Variants in GSPT1 observed in about 807,000 individuals in gnomAD.
GSPT1 encodes the protein eukaryotic peptide chain release factor GTP-binding subunit ERF3A.
Under a neutral mutation model 72.5 loss-of-function variants are expected in GSPT1, and 20 were observed. The observed-to-expected ratio is 0.28, with a 90% CI of 0.19 to 0.40. The LOEUF (loss-of-function observed/expected upper bound fraction) is 0.40. Ranked by LOEUF, GSPT1 falls within the 10% of genes least tolerant of loss-of-function variation. GSPT1 has a pLI of 1.00. For synonymous variants in GSPT1, 334 were observed against 293.5 expected, an observed-to-expected ratio of 1.14 and a Z score of -1.41; for missense variants, 580 against 811.9, an observed-to-expected ratio of 0.71 and a Z score of 3.47.
intron 4 of GSPT1, 145 bp downstream of exon 4, chr16:11,896,413 T>A (rs2054339522): frequency 1.6e-6 from 1 of 621,152 alleles, no homozygotes; most frequent in East Asian, 2.7e-5. Context: ...TGCAATTTTT[T>A]GCCAGCTAAA....
At chr16:11,892,960 G>A (rs2054288451) in intron 5 of GSPT1, among the ~76,000 whole-genome samples, 1 of 151,346 alleles carries the variant, frequency 6.6e-6, no homozygotes, top group South Asian at 2.1e-4. Context: ...AAGTTTTGAT[G>A]AATGACTATG....
chr16:11,875,962 T>A, intron 13 of GSPT1, 33 bp from the exon 14 acceptor site: 1 of 1,572,120 alleles, frequency 6.4e-7, no homozygotes, highest in Non-Finnish European at 8.7e-7. Flanking sequence ...AAAATCAGAA[T>A]AATGCCAAAT....
In GSPT1 at chr16:11,891,219, C is replaced by T. The variant is rs558814266; in HGVS notation, c.699-80G>A. The stretch of plus-strand genomic sequence containing the variant: ...GGAATTAGGAAAACGTGAAAATTGT[C>T]GAAAATTTCAACGTCAGAAAATAGT... On this transcript the variant is annotated intron_variant, in intron 5 of 14. Transcript: ENST00000434724. 27 of 678,522 alleles carry T rather than the reference C, an allele frequency of 4.0e-5. No homozygotes were observed. In the South Asian group the frequency reaches 4.1e-4, roughly 10 times the overall value. The allele number at this position is 678,522 out of a possible 1,614,324, so 42.0% of individuals were successfully genotyped here.
chr16:11,887,603 A>G lies in GSPT1; in HGVS notation c.924T>C (p.Ile308=). The change falls in exon 7 of 15, where the codon ATT becomes ATC. Residue 308 remains isoleucine, a synonymous_variant. Coordinates refer to ENST00000434724, the MANE Select transcript of GSPT1 (RefSeq NM_002094.4). ...CCAAATCAGCTTGAGAGGCACCACC[A>G]ATCATATTTGGGACAAAACTCTTGT... The part of the protein sequence containing the change: ...PGHKSFVPNM[I]GGASQADLAV... 2 of 1,614,062 alleles carry G rather than the reference A, an allele frequency of 1.2e-6. No individual in the cohort carries two copies. The highest frequency in any genetic ancestry group is 1.7e-6 in the Non-Finnish European group (2 of 1,179,948).
intron 1 of GSPT1, among the ~76,000 whole-genome samples, chr16:11,905,606 G>T (rs886334723): frequency 1.3e-5 from 2 of 152,062 alleles, no homozygotes; most frequent in Non-Finnish European, 2.9e-5. Flanking sequence ...AGGCCAAGGC[G>T]GGCAGATAAC....
rs367625280 is a variant in GSPT1 at position 11,915,805 on chromosome 16, C to A, written c.-85G>T. 17 of 1,572,724 alleles carry A rather than the reference C, an allele frequency of 1.1e-5. No individual in the cohort carries two copies. In the African/African-American group the frequency reaches 2.2e-4, roughly 20 times the overall value. On this transcript the variant is annotated 5_prime_UTR_variant, in exon 1 of 15. Transcript: ENST00000434724. ...GCCGGAGAGGAGTGGGCAACGCTGA[C>A]TGAGGGAAGGCGGCGGGGCAGAAGG...
chr16:11,885,575 C>CT (rs2054177360), intron 9 of GSPT1, among the ~76,000 whole-genome samples: 3 of 152,044 alleles, frequency 2.0e-5, no homozygotes, highest in Admixed American at 6.5e-5. Flanking sequence ...AACCAAGATT[C>CT]TATAAAATAA....
intron 10 of GSPT1, among the ~76,000 whole-genome samples, chr16:11,883,459 C>CAAA (rs66922380): frequency 1.5e-4 from 10 of 66,466 alleles, no homozygotes; most frequent in Admixed American, 2.4e-4. Flanking sequence ...ACTAAAAATA[C>CAAA]AAAAAAAAAA....
chr16:11,906,253 T>C lies in GSPT1; in HGVS notation c.353-8218A>G, dbSNP rs555092094. On this transcript the variant is annotated intron_variant, in intron 1 of 14. Transcript: ENST00000434724. ...CCCCTAGCCTCCATCTGTACATTCATTGCATTTCCATTAGGGCTCAAGAGA... is the reference window on the plus strand; with the variant it reads ...CCCCTAGCCTCCATCTGTACATTCACTGCATTTCCATTAGGGCTCAAGAGA... Among the ~76,000 whole-genome samples, 10 of 152,234 alleles carry C rather than the reference T, an allele frequency of 6.6e-5. 1 individual carries two copies. Among genetic ancestry groups the C allele is most frequent in the South Asian group, 4.2e-4 (2 of 4,816 alleles).
chr16:11,901,620 A>AAT (rs113206101), intron 1 of GSPT1, among the ~76,000 whole-genome samples: 25,456 of 147,018 alleles, frequency 0.17, 5,047 homozygotes, highest in African/African-American at 0.48. Context: ...CACACACAAA[A>AAT]ATATATATAT....
intron 13 of GSPT1, 77 bp from the exon 14 acceptor site, chr16:11,876,006 A>T (rs1311991123): frequency 1.4e-6 from 2 of 1,466,584 alleles, no homozygotes; most frequent in Non-Finnish European, 1.9e-6. Context: ...TAGAAATAAA[A>T]GTGCATCACT....
chr16:11,870,352 C>T lies in GSPT1; in HGVS notation c.*2767G>A, dbSNP rs1388355493. The T allele has an allele frequency of 6.6e-6, 1 of 152,074 alleles. No individual in the cohort carries two copies. Among genetic ancestry groups the T allele is most frequent in the South Asian group, 2.1e-4 (1 of 4,830 alleles). 9.4% of individuals were successfully genotyped at this position (152,074 alleles called of 1,614,324 possible). ...TTTATTTCAATATTTCTTAAATTCA[C>T]TTTATTAATTTAAAAAACTAAATAA... On this transcript the variant is annotated 3_prime_UTR_variant, in exon 15 of 15. Transcript: ENST00000434724.
chr16:11,873,558 G>A (rs977485705), intron 14 of GSPT1, among the ~76,000 whole-genome samples: 55 of 152,094 alleles, frequency 3.6e-4, no homozygotes, highest in African/African-American at 1.0e-3. Flanking sequence ...TGATCCACCC[G>A]CCTCAGCCTC....
At chr16:11,912,996 A>G (rs1446164604) in intron 1 of GSPT1, among the ~76,000 whole-genome samples, 1 of 152,226 alleles carries the variant, frequency 6.6e-6, no homozygotes. Context: ...GTTTAAAAAC[A>G]CACCCAGCAC....
chr16:11,898,885 G>C (rs892626920), intron 1 of GSPT1, among the ~76,000 whole-genome samples: 1 of 152,164 alleles, frequency 6.6e-6, no homozygotes, highest in East Asian at 1.9e-4. Flanking sequence ...CAGAAAAGGT[G>C]ATTCCAATGA....
intron 7 of GSPT1, 82 bp from the exon 8 acceptor site, chr16:11,887,013 T>C (rs2054192864): frequency 2.2e-6 from 2 of 929,026 alleles, no homozygotes; most frequent in Non-Finnish European, 3.1e-6. Flanking sequence ...CTTTCAGTTA[T>C]ATCACGAGTT....
Position 11,872,109 on chromosome 16 carries a change from G to A in GSPT1, c.*1010C>T, listed in dbSNP as rs899008343. 3 of 152,278 alleles carry A rather than the reference G, an allele frequency of 2.0e-5. No homozygotes were observed. In the East Asian group the frequency reaches 5.8e-4, roughly 29 times the overall value. The allele number at this position is 152,278 out of a possible 1,614,324, so 9.4% of individuals were successfully genotyped here. On this transcript the variant is annotated 3_prime_UTR_variant, in exon 15 of 15. Coordinates refer to ENST00000434724, the MANE Select transcript of GSPT1 (RefSeq NM_002094.4). Reference sequence around the variant, plus strand: ...ACCTTTAAAGTTACTGATACAAAGAGTAAACTGAGTAACTTGTAGAAGTGG... The same window carrying A: ...ACCTTTAAAGTTACTGATACAAAGAATAAACTGAGTAACTTGTAGAAGTGG...
chr16:11,891,416 C>T (rs2054259473), intron 5 of GSPT1, among the ~76,000 whole-genome samples: 1 of 149,556 alleles, frequency 6.7e-6, no homozygotes. Flanking sequence ...ACCTGGAGTG[C>T]AATGGCACAA....
intron 11 of GSPT1, among the ~76,000 whole-genome samples, chr16:11,878,150 T>C (rs768542015): frequency 5.9e-5 from 9 of 152,130 alleles, no homozygotes; most frequent in Non-Finnish European, 1.3e-4. Context: ...AGTTTTGCTC[T>C]TGTTGCCCAG....
Sources: gnomAD v4.1 joint callset for allele counts (sites outside exome capture counted in the v4.1 genomes callset) on GRCh38, gnomAD v4.1.1 for gene constraint, MANE v1.5 for transcripts, NCBI Gene and HGNC (gene_info 2026-07-23, HGNC 2026-07-21) for gene names.